The following KSR2 variants were observed in gnomAD, a reference collection of about 807,000 sequenced individuals.
KSR2 encodes the protein kinase suppressor of ras 2.
A neutral mutation model predicts 107.8 loss-of-function variants in KSR2; 25 were observed. The ratio of observed to expected loss-of-function variants is 0.23; its 90% confidence interval spans 0.17 to 0.32. The LOEUF is 0.32. Ranked by LOEUF, KSR2 falls within the 10% of genes least tolerant of loss-of-function variation. The pLI is 1.00. For missense variants in KSR2, 887 were observed against 1,268.9 expected (o/e 0.70, Z 4.57); for synonymous variants, 480 against 507.0 (o/e 0.95, Z 0.71).
At chr12:117,771,213 A>C (rs1231418997) in intron 3 of KSR2, among the ~76,000 whole-genome samples, 2 of 152,222 alleles carry the variant, frequency 1.3e-5, no homozygotes, top group Non-Finnish European at 2.9e-5. Flanking sequence ...TTCTACTCAA[A>C]GTCATCTCTC....
At chr12:117,660,380 A>G (rs1884382126) in intron 5 of KSR2, among the ~76,000 whole-genome samples, 1 of 152,186 alleles carries the variant, frequency 6.6e-6, no homozygotes. Context: ...GCATGTCCTC[A>G]TGAGTCTCTT....
At chr12:117,801,161 G>A (rs1302749581) in intron 3 of KSR2, among the ~76,000 whole-genome samples, 1 of 152,090 alleles carries the variant, frequency 6.6e-6, no homozygotes, top group African/African-American at 2.4e-5. Context: ...ACCCAGGCTG[G>A]AGTGCAATGC....
At chr12:117,478,338 T>C (rs990410723) in intron 16 of KSR2, among the ~76,000 whole-genome samples, 12 of 152,204 alleles carry the variant, frequency 7.9e-5, no homozygotes, top group Admixed American at 3.9e-4. Flanking sequence ...ATATCCTCTA[T>C]ATGGTCCAAT....
rs189843233 is a variant in KSR2, at chr12:117,560,251, G to C, written c.1326-1678C>G. ...CTCTGGGTCTGAAAAAGCCCTCTAG[G>C]TGAATTGGATGCATGCTCAGGTGTG... On this transcript the variant is annotated intron_variant, in intron 7 of 19. Transcript: ENST00000339824. Among the ~76,000 whole-genome samples, 727 of 152,238 alleles carry C rather than the reference G, an allele frequency of 4.8e-3. 4 individuals carry two copies. The highest frequency in any genetic ancestry group is 0.017 in the African/African-American group (694 of 41,544).
intron 4 of KSR2, among the ~76,000 whole-genome samples, chr12:117,677,411 A>G (rs1217376053): frequency 6.6e-6 from 1 of 152,216 alleles, no homozygotes; most frequent in East Asian, 1.9e-4. Context: ...CCGCCATGTA[A>G]GGACACAGCA....
chr12:117,898,673 G>T (rs907246037), intron 1 of KSR2, among the ~76,000 whole-genome samples: 2 of 151,706 alleles, frequency 1.3e-5, no homozygotes, highest in African/African-American at 2.4e-5. Flanking sequence ...ACACTTATGG[G>T]GTACAGTGTC....
chr12:117,682,454 G>A (rs1015014657), intron 4 of KSR2, among the ~76,000 whole-genome samples: 2 of 151,046 alleles, frequency 1.3e-5, no homozygotes, highest in African/African-American at 2.4e-5. Context: ...TTTTGTTCTT[G>A]TTGCCCAGGC....
chr12:117,710,282 A>G (rs1016919161), intron 4 of KSR2, among the ~76,000 whole-genome samples: 1 of 152,206 alleles, frequency 6.6e-6, no homozygotes, highest in African/African-American at 2.4e-5. Flanking sequence ...GAAGGCCTCG[A>G]GGGCATCTGG....
At chr12:117,898,322 T>C (rs1274016125) in intron 1 of KSR2, among the ~76,000 whole-genome samples, 1 of 151,574 alleles carries the variant, frequency 6.6e-6, no homozygotes, top group Admixed American at 6.6e-5. Context: ...GCTGTTTGTC[T>C]CCTTTTTTTT....
chr12:117,915,494 G>A (rs1465855935), intron 1 of KSR2, among the ~76,000 whole-genome samples: 1 of 152,198 alleles, frequency 6.6e-6, no homozygotes, highest in Non-Finnish European at 1.5e-5. Flanking sequence ...TTTCAGCTGG[G>A]ATGACAGTCC....
chr12:117,956,154 G>A (rs572499968), intron 1 of KSR2, among the ~76,000 whole-genome samples: 52 of 146,946 alleles, frequency 3.5e-4, no homozygotes, highest in Admixed American at 5.7e-4. Flanking sequence ...GGAGGCTAAG[G>A]CAGGAGAATG....
At chr12:117,865,968 GAT>G (rs1893453120) in intron 1 of KSR2, among the ~76,000 whole-genome samples, 1 of 151,590 alleles carries the variant, frequency 6.6e-6, no homozygotes, top group Admixed American at 6.6e-5. Flanking sequence ...ATATCAAGGA[GAT>G]AGTCTCTGTT....
intron 1 of KSR2, among the ~76,000 whole-genome samples, chr12:117,875,243 GA>G: frequency 6.6e-6 from 1 of 152,020 alleles, no homozygotes; most frequent in Non-Finnish European, 1.5e-5. Context: ...TTTTCACTCC[GA>G]ATCTAAACCC....
At position 117,947,198 on chromosome 12, in the gene KSR2, A is replaced by AGAGAGAGAGAGAGAGAG. The variant is rs1566094521; in HGVS notation, c.180+20877_180+20878insCTCTCTCTCTCTCTCTC. The stretch of plus-strand genomic sequence containing the variant: ...AGAAAGAAAGAAAGAAAAGAAAGAA[A>AGAGAGAGAGAGAGAGAG]AGAAAGAAAAGAAAGAAAGAAAGAA... On this transcript the variant is annotated intron_variant, in intron 1 of 19. Transcript: ENST00000339824. Among the ~76,000 whole-genome samples, 95 of 36,770 alleles carry AGAGAGAGAGAGAGAGAG rather than the reference A, an allele frequency of 2.6e-3. 4 individuals are homozygous for AGAGAGAGAGAGAGAGAG. Among genetic ancestry groups the AGAGAGAGAGAGAGAGAG allele is most frequent in the African/African-American group, 0.014 (91 of 6,568 alleles). The allele number at this position is 36,770 out of a possible 152,430, so 24.1% of individuals were successfully genotyped here.
intron 12 of KSR2, among the ~76,000 whole-genome samples, chr12:117,527,322 CACAG>C (rs1565884902): frequency 2.4e-4 from 31 of 130,642 alleles, no homozygotes; most frequent in Middle Eastern, 3.6e-3. Context: ...CACACACACA[CACAG>C]ACACACACAC....
chr12:117,784,866 C>T (rs931016118), intron 3 of KSR2, among the ~76,000 whole-genome samples: 4 of 152,152 alleles, frequency 2.6e-5, no homozygotes, highest in African/African-American at 9.7e-5. Flanking sequence ...GGAATAAACC[C>T]TAAGAAGCAT....
intron 4 of KSR2, among the ~76,000 whole-genome samples, chr12:117,739,190 C>A (rs1451980146): frequency 3.3e-5 from 5 of 152,064 alleles, no homozygotes; most frequent in Non-Finnish European, 1.5e-5. Flanking sequence ...CCCGTCTCTA[C>A]TAAAAATACA....
intron 9 of KSR2, among the ~76,000 whole-genome samples, chr12:117,549,279 G>T (rs1397653310): frequency 6.6e-6 from 1 of 152,196 alleles, no homozygotes; most frequent in Non-Finnish European, 1.5e-5. Flanking sequence ...CCAGGGGGCA[G>T]GTGAGGTTTT....
chr12:117,942,493 C>CT (rs201100401), intron 1 of KSR2, among the ~76,000 whole-genome samples: 14,125 of 138,172 alleles, frequency 0.1, 916 homozygotes, highest in Middle Eastern at 0.15. Flanking sequence ...CTTTTTTTTT[C>CT]TTTTTTTTTT....
Sources: gnomAD v4.1 joint callset for allele counts (sites outside exome capture counted in the v4.1 genomes callset) on GRCh38, gnomAD v4.1.1 for gene constraint, MANE v1.5 for transcripts, NCBI Gene and HGNC (gene_info 2026-07-23, HGNC 2026-07-21) for gene names.